The following CDYL2 variants were observed in gnomAD, a reference collection of about 807,000 sequenced individuals.
The protein encoded by CDYL2 is chromodomain Y like 2.
CDYL2 carries 23 observed loss-of-function variants against 49.4 expected under a neutral mutation model. That is an observed-to-expected ratio of 0.47 (90% CI 0.34 to 0.66). The LOEUF (loss-of-function observed/expected upper bound fraction) is 0.66. CDYL2 is among the 30% of genes least tolerant of loss of function. CDYL2 has a pLI of 0.01. For missense variants in CDYL2, 678 were observed against 656.4 expected, an observed-to-expected ratio of 1.03 and a Z score of -0.36; for synonymous variants, 360 against 268.8, an observed-to-expected ratio of 1.34 and a Z score of -3.32.
At chr16:80,767,141 A>G (rs1239723642) in intron 1 of CDYL2, among the ~76,000 whole-genome samples, 1 of 152,122 alleles carries the variant, frequency 6.6e-6, no homozygotes, top group African/African-American at 2.4e-5. Flanking sequence ...CAGCAGTGAC[A>G]AATAGAAGAA....
rs532745702 is a variant in CDYL2 at position 80,661,759 on chromosome 16, G to T, written c.616+22779C>A. ...GCCACATCTGATTCCTGTGTCATGTGATGCTTTACCAAGCAGAGCTCATTT... is the reference window on the plus strand; with the variant it reads ...GCCACATCTGATTCCTGTGTCATGTTATGCTTTACCAAGCAGAGCTCATTT... On this transcript the variant is annotated intron_variant, in intron 2 of 6. Transcript: ENST00000570137. 9.8e-5 allele frequency among the ~76,000 whole-genome samples: 15 copies of T among 152,296 alleles called. 3 individuals are homozygous for T. Among genetic ancestry groups the T allele is most frequent in the African/African-American group, 3.1e-4 (13 of 41,566 alleles).
intron 1 of CDYL2, among the ~76,000 whole-genome samples, chr16:80,789,117 A>G (rs919029779): frequency 2.6e-5 from 4 of 152,204 alleles, no homozygotes; most frequent in African/African-American, 9.6e-5. Flanking sequence ...AAGTCAAAAA[A>G]AAACAACAGA....
At chr16:80,763,630 A>G (rs975570648) in intron 1 of CDYL2, among the ~76,000 whole-genome samples, 1 of 152,112 alleles carries the variant, frequency 6.6e-6, no homozygotes, top group African/African-American at 2.4e-5. Context: ...AAAATAACAA[A>G]AAAAAACACT....
intron 2 of CDYL2, among the ~76,000 whole-genome samples, chr16:80,674,321 G>A (rs1909652668): frequency 6.6e-6 from 1 of 152,024 alleles, no homozygotes; most frequent in Non-Finnish European, 1.5e-5. Context: ...GAAATTCAAT[G>A]CACAGCTTCT....
intron 2 of CDYL2, among the ~76,000 whole-genome samples, chr16:80,672,950 G>A (rs189783432): frequency 3.9e-5 from 6 of 152,294 alleles, no homozygotes; most frequent in East Asian, 1.9e-4. Flanking sequence ...AGTAACTGTC[G>A]TATAGAAATG....
At chr16:80,659,372 C>A (rs1386287724) in intron 2 of CDYL2, among the ~76,000 whole-genome samples, 2 of 152,052 alleles carry the variant, frequency 1.3e-5, no homozygotes. Flanking sequence ...AAATAAATAT[C>A]TAAAAGACAT....
chr16:80,736,537 A>G (rs903385350), intron 1 of CDYL2: 4 of 152,226 alleles, frequency 2.6e-5, no homozygotes, highest in African/African-American at 7.2e-5. Flanking sequence ...CTTGTATACA[A>G]TGTTTGAAGG....
rs1010894356 is a variant in CDYL2 at position 80,600,681 on chromosome 16, T to C, written c.*3707A>G. 1 of 152,176 alleles carries C rather than the reference T, an allele frequency of 6.6e-6. No homozygotes were observed. Among genetic ancestry groups the C allele is most frequent in the Non-Finnish European group, 1.5e-5 (1 of 68,032 alleles). The allele number at this position is 152,176 out of a possible 1,614,324, so 9.4% of individuals were successfully genotyped here. A position where few individuals can be genotyped will look rare whatever the true frequency, so the allele number is the denominator to read the frequency against. The stretch of plus-strand genomic sequence containing the variant: ...GATAAGCAATTCTGCATTTTAAATA[T>C]TCACTTAGGAAGATTTGAAGATGTT... On this transcript the variant is annotated 3_prime_UTR_variant, in exon 7 of 7. Coordinates refer to ENST00000570137, the MANE Select transcript of CDYL2 (RefSeq NM_152342.4).
chr16:80,726,463 T>C (rs564035668), intron 1 of CDYL2, among the ~76,000 whole-genome samples: 11 of 152,268 alleles, frequency 7.2e-5, no homozygotes, highest in Non-Finnish European at 1.0e-4. Context: ...ACTGAAGTTC[T>C]ATTTAGAGCA....
At chr16:80,681,345 G>A (rs1909959281) in intron 2 of CDYL2, among the ~76,000 whole-genome samples, 1 of 152,118 alleles carries the variant, frequency 6.6e-6, no homozygotes, top group South Asian at 2.1e-4. Context: ...ATAAGGGAAG[G>A]TGAGGTTAGG....
At chr16:80,706,546 T>C (rs1013186828) in intron 1 of CDYL2, among the ~76,000 whole-genome samples, 2 of 152,204 alleles carry the variant, frequency 1.3e-5, no homozygotes, top group African/African-American at 4.8e-5. Context: ...AAGGAATTCA[T>C]GACTGAGGCT....
chr16:80,609,737 T>C (rs1003128777), intron 5 of CDYL2, among the ~76,000 whole-genome samples: 9 of 152,236 alleles, frequency 5.9e-5, no homozygotes, highest in African/African-American at 1.9e-4. Flanking sequence ...TCAGACACCA[T>C]ACCCTGCAGT....
intron 2 of CDYL2, among the ~76,000 whole-genome samples, chr16:80,666,960 T>A (rs1412722832): frequency 6.6e-6 from 1 of 152,164 alleles, no homozygotes; most frequent in East Asian, 1.9e-4. Context: ...GAGCTTCTGA[T>A]CGAGTGAAAG....
intron 1 of CDYL2, among the ~76,000 whole-genome samples, chr16:80,688,118 G>C (rs1234300877): frequency 6.6e-6 from 1 of 152,198 alleles, no homozygotes; most frequent in Non-Finnish European, 1.5e-5. Flanking sequence ...CATTGGAGGC[G>C]GAGCTTAGTT....
intron 1 of CDYL2, among the ~76,000 whole-genome samples, chr16:80,789,412 C>T (rs964213084): frequency 1.3e-5 from 2 of 152,030 alleles, no homozygotes; most frequent in Admixed American, 6.6e-5. Flanking sequence ...CCAGCCTGGC[C>T]GACATGGTGA....
chr16:80,711,592 G>C (rs1414043545), intron 1 of CDYL2, among the ~76,000 whole-genome samples: 1 of 152,180 alleles, frequency 6.6e-6, no homozygotes, highest in Non-Finnish European at 1.5e-5. Flanking sequence ...TTTAATTTGA[G>C]CTACATGCTG....
chr16:80,803,367 A>T (rs911265489), intron 1 of CDYL2, among the ~76,000 whole-genome samples: 7 of 152,234 alleles, frequency 4.6e-5, no homozygotes, highest in African/African-American at 1.4e-4. Flanking sequence ...CTGGGCTGGC[A>T]TCTGTGTCCT....
chr16:80,702,262 C>T (rs1904305639), intron 1 of CDYL2, among the ~76,000 whole-genome samples: 1 of 151,312 alleles, frequency 6.6e-6, no homozygotes, highest in South Asian at 2.1e-4. Flanking sequence ...GGTAGACAGC[C>T]ATCTCATTTT....
chr16:80,610,060 G>A (rs4613079), intron 5 of CDYL2, among the ~76,000 whole-genome samples: 6,874 of 152,130 alleles, frequency 0.045, 452 homozygotes, highest in East Asian at 0.23. Flanking sequence ...GTGCAGAAGG[G>A]GTAGCAAAAA....
Sources: allele counts gnomAD v4.1 joint callset (sites outside exome capture counted in the v4.1 genomes callset), GRCh38; gene constraint gnomAD v4.1.1; transcripts MANE v1.5; gene names NCBI Gene and HGNC (gene_info 2026-07-23, HGNC 2026-07-21).